Variants in CADPS2 observed in about 807,000 individuals in gnomAD.
CADPS2 encodes the protein calcium dependent secretion activator 2, also known as calcium-dependent secretion activator 2.
A neutral mutation model predicts 172.5 loss-of-function variants in CADPS2; 93 were observed. The ratio of observed to expected loss-of-function variants is 0.54; its 90% CI spans 0.46 to 0.64. The LOEUF (loss-of-function observed/expected upper bound fraction) is 0.64, where lower values mean the gene tolerates loss of function less well. Among genes scored for constraint, CADPS2 ranks in the 30% least tolerant of loss-of-function variants. The pLI is 0.00. For missense variants in CADPS2, 1,420 were observed against 1,565.9 expected, an observed-to-expected ratio of 0.91 and a Z score of 1.57; for synonymous variants, 546 against 555.2, an observed-to-expected ratio of 0.98 and a Z score of 0.23.
intron 27 of CADPS2, among the ~76,000 whole-genome samples, chr7:122,357,196 G>A (rs1014923412): frequency 4.4e-4 from 67 of 152,098 alleles, no homozygotes; most frequent in African/African-American, 1.6e-3. Context: ...TGACTCTAAC[G>A]GTGAGAAACC....
chr7:122,511,735 G>C (rs1476260346), intron 9 of CADPS2, among the ~76,000 whole-genome samples: 1 of 152,088 alleles, frequency 6.6e-6, no homozygotes, highest in Non-Finnish European at 1.5e-5. Flanking sequence ...TGAAAAATCA[G>C]TTGAATGCTT....
At chr7:122,484,470 T>C (rs2057603114) in intron 11 of CADPS2, among the ~76,000 whole-genome samples, 1 of 146,864 alleles carries the variant, frequency 6.8e-6, no homozygotes, top group Non-Finnish European at 1.5e-5. Flanking sequence ...GAAATACTGA[T>C]GGATACCTCT....
intron 2 of CADPS2, among the ~76,000 whole-genome samples, chr7:122,668,322 T>C (rs2081393350): frequency 6.6e-6 from 1 of 151,380 alleles, no homozygotes; most frequent in South Asian, 2.1e-4. Flanking sequence ...TGTGCATTTG[T>C]ATATGGTGGT....
At chr7:122,365,950 A>T (rs573847780) in intron 25 of CADPS2, among the ~76,000 whole-genome samples, 1 of 152,318 alleles carries the variant, frequency 6.6e-6, no homozygotes, top group East Asian at 1.9e-4. Context: ...TTGCATTTTT[A>T]GCTGTGACAC....
chr7:122,681,393 G>A (rs1002801457), intron 2 of CADPS2: 3 of 1,495,302 alleles, frequency 2.0e-6, no homozygotes, highest in African/African-American at 2.7e-5. Flanking sequence ...TACTAACTGT[G>A]CCCGATGCGT....
At chr7:122,648,412 G>C (rs546960309) in intron 3 of CADPS2, among the ~76,000 whole-genome samples, 2 of 151,900 alleles carry the variant, frequency 1.3e-5, no homozygotes, top group Admixed American at 6.6e-5. Context: ...CTGCAATCTC[G>C]ACATGGACAA....
chr7:122,370,300 C>T (rs1026842567), intron 25 of CADPS2, among the ~76,000 whole-genome samples: 7 of 152,172 alleles, frequency 4.6e-5, no homozygotes, highest in Non-Finnish European at 8.8e-5. Flanking sequence ...AGCACTGTAT[C>T]CCTGGCATTG....
intron 2 of CADPS2, among the ~76,000 whole-genome samples, chr7:122,700,361 C>A (rs549746311): frequency 2.6e-5 from 4 of 152,176 alleles, no homozygotes; most frequent in South Asian, 2.1e-4. Flanking sequence ...TATGGGCCAA[C>A]AAAAACTAGT....
At chr7:122,707,676 T>C (rs1362346268) in intron 2 of CADPS2, among the ~76,000 whole-genome samples, 1 of 151,788 alleles carries the variant, frequency 6.6e-6, no homozygotes, top group African/African-American at 2.4e-5. Context: ...CATAACGAGA[T>C]CTGAGGAAAA....
intron 2 of CADPS2, among the ~76,000 whole-genome samples, chr7:122,730,863 T>G (rs550652432): frequency 6.6e-6 from 1 of 151,760 alleles, no homozygotes. Flanking sequence ...GTTCTTAAAA[T>G]AATATCACAG....
chr7:122,594,470 G>C (rs1240163830), intron 6 of CADPS2, among the ~76,000 whole-genome samples: 1 of 151,814 alleles, frequency 6.6e-6, no homozygotes, highest in African/African-American at 2.4e-5. Context: ...TTCTCATTTG[G>C]TTGCTCTAAG....
At chr7:122,482,192 AAGG>A (rs1371189752) in intron 11 of CADPS2, among the ~76,000 whole-genome samples, 1 of 152,084 alleles carries the variant, frequency 6.6e-6, no homozygotes, top group Non-Finnish European at 1.5e-5. Context: ...AACACAAGTG[AAGG>A]AGGATGGCGA....
chr7:122,404,853 C>A (rs531446670), intron 20 of CADPS2, among the ~76,000 whole-genome samples: 1 of 152,046 alleles, frequency 6.6e-6, no homozygotes, highest in Non-Finnish European at 1.5e-5. Context: ...TGGCCGGGCG[C>A]GGTGGCTCAT....
intron 15 of CADPS2, 143 bp downstream of exon 15, chr7:122,451,231 A>T: frequency 2.4e-6 from 1 of 425,490 alleles, no homozygotes; most frequent in Non-Finnish European, 4.2e-6. Flanking sequence ...CAGACTGAAG[A>T]ATGTGAACCT....
At chr7:122,333,905 C>A (rs1040940631) in intron 28 of CADPS2, among the ~76,000 whole-genome samples, 3 of 149,734 alleles carry the variant, frequency 2.0e-5, no homozygotes, top group African/African-American at 4.9e-5. Flanking sequence ...ATATATATAT[C>A]ATATCTATAA....
At chr7:122,706,480 C>A (rs2136496699) in intron 2 of CADPS2, among the ~76,000 whole-genome samples, 1 of 143,646 alleles carries the variant, frequency 7.0e-6, no homozygotes, top group African/African-American at 2.5e-5. Flanking sequence ...TTTATATATT[C>A]CTTTTGTAGG....
At chr7:122,666,033 A>G (rs997334203) in intron 2 of CADPS2, among the ~76,000 whole-genome samples, 3 of 84,414 alleles carry the variant, frequency 3.6e-5, no homozygotes, top group African/African-American at 4.1e-5. Flanking sequence ...CTCCCTTCTC[A>G]ACCTCATCTA....
At chr7:122,372,897 A>C (rs558956543) in intron 25 of CADPS2, among the ~76,000 whole-genome samples, 35 of 152,306 alleles carry the variant, frequency 2.3e-4, no homozygotes, top group African/African-American at 7.0e-4. Context: ...TCACTAATTA[A>C]TTAGGTGTTT....
At chr7:122,493,640 A>G (rs1242624590) in intron 9 of CADPS2, among the ~76,000 whole-genome samples, 2 of 152,008 alleles carry the variant, frequency 1.3e-5, no homozygotes, top group Non-Finnish European at 2.9e-5. Flanking sequence ...AGGTTCTATG[A>G]TATACTTACG....
Sources: allele counts gnomAD v4.1 joint callset (sites outside exome capture counted in the v4.1 genomes callset), GRCh38; gene constraint gnomAD v4.1.1; transcripts MANE v1.5; gene names NCBI Gene and HGNC (gene_info 2026-07-23, HGNC 2026-07-21).